The following BMP6 variants were observed in gnomAD, a reference collection of about 807,000 sequenced individuals.
BMP6 encodes the protein VG-1-R.
A neutral mutation model predicts 54.1 loss-of-function variants in BMP6; 17 were observed. The observed-to-expected ratio is 0.31, with a 90% CI of 0.22 to 0.47. The LOEUF (loss-of-function observed/expected upper bound fraction) is 0.47, where lower values mean the gene tolerates loss of function less well. BMP6 is among the 20% of genes least tolerant of loss of function. BMP6 has a pLI of 1.00. For synonymous variants in BMP6, 328 were observed against 291.2 expected (o/e 1.13, Z -1.28); for missense variants, 720 against 690.4 (o/e 1.04, Z -0.48).
chr6:7,845,403 C>A, intron 2 of BMP6, 71 bp downstream of exon 2: 1 of 1,435,736 alleles, frequency 7.0e-7, no homozygotes, highest in Non-Finnish European at 9.5e-7. Context: ...TGACAATAAC[C>A]CCAGCTATGT....
At position 7,862,303 on chromosome 6, in the gene BMP6, G is replaced by A. The variant is rs767868566; in HGVS notation, c.1009G>A (p.Val337Ile). 1 of 1,614,178 alleles carries A rather than the reference G, an allele frequency of 6.2e-7. No homozygotes were observed. The highest frequency in any genetic ancestry group is 8.5e-7 in the Non-Finnish European group (1 of 1,180,040). ...GCATGCTTTGATTTGCATTAAAGGA[G>A]TCCACGTCCACCCCCGAGCCGCAGG... The part of the protein sequence containing the change: ...LQLSVVTRDG[V>I]HVHPRAAGLV... Residue 337 changes from valine (V) to isoleucine (I), a missense_variant and splice_region_variant, in exon 4 of 7, where the codon GTC (valine) becomes ATC (isoleucine). By Grantham distance (29) the Val-to-Ile change is conservative (BLOSUM62 3). Around this residue, in one of 3 missense-constraint regions of BMP6, gnomAD observed 650 missense variants for 556.3 expected, o/e 1.17. Transcript: ENST00000283147.
chr6:7,752,271 T>TAAC (rs1757437350), intron 1 of BMP6, among the ~76,000 whole-genome samples: 1 of 152,210 alleles, frequency 6.6e-6, no homozygotes, highest in Non-Finnish European at 1.5e-5. Flanking sequence ...TTTATAAAAC[T>TAAC]AGGTGGCTGG....
intron 1 of BMP6, among the ~76,000 whole-genome samples, chr6:7,811,926 AAT>A (rs940989979): frequency 6.6e-6 from 1 of 152,176 alleles, no homozygotes; most frequent in African/African-American, 2.4e-5. Context: ...CTAAGTGAAA[AAT>A]ATATATATGA....
intron 1 of BMP6, among the ~76,000 whole-genome samples, chr6:7,780,506 G>A (rs1757926840): frequency 2.0e-5 from 3 of 150,968 alleles, no homozygotes; most frequent in Admixed American, 6.6e-5. Flanking sequence ...CCGAGATCGC[G>A]CCATTGCACT....
intron 1 of BMP6, among the ~76,000 whole-genome samples, chr6:7,743,037 T>A (rs903377430): frequency 2.0e-5 from 3 of 152,122 alleles, no homozygotes; most frequent in African/African-American, 7.2e-5. Flanking sequence ...TGGCTTGACA[T>A]AGACCACAGA....
chr6:7,745,001 G>A (rs1757325521), intron 1 of BMP6, among the ~76,000 whole-genome samples: 1 of 152,226 alleles, frequency 6.6e-6, no homozygotes, highest in African/African-American at 2.4e-5. Context: ...CCTTCAGGTA[G>A]CTGGGTGTTA....
At chr6:7,818,332 G>GA (rs5874113) in intron 1 of BMP6, among the ~76,000 whole-genome samples, 38,033 of 151,908 alleles carry the variant, frequency 0.25, 5,284 homozygotes, top group South Asian at 0.39. Flanking sequence ...GACTTGGGGT[G>GA]AAAAAACAGA....
chr6:7,775,533 A>G (rs1757850600), intron 1 of BMP6, among the ~76,000 whole-genome samples: 1 of 152,218 alleles, frequency 6.6e-6, no homozygotes, highest in Admixed American at 6.5e-5. Context: ...ATTGTAATGT[A>G]AGAATAATGT....
At position 7,860,385 on chromosome 6, in the gene BMP6, C is replaced by T. The variant is rs536552999; in HGVS notation, c.858-1066C>T. 5.9e-5 allele frequency among the ~76,000 whole-genome samples: 9 copies of T among 152,236 alleles called. No individual in the cohort carries two copies. The South Asian group carries it at 1.9e-3, about 32-fold the overall frequency. ...AGTCTTTCCATGGCCAAAATATAGC[C>T]CTCCCTGTCATGGGAATCCCAGGCC... On this transcript the variant is annotated intron_variant, in intron 2 of 6. Coordinates refer to ENST00000283147, the MANE Select transcript of BMP6 (RefSeq NM_001718.6).
rs571783248 is a variant in BMP6 at position 7,827,994 on chromosome 6, A to T, written c.665-17146A>T. Among the ~76,000 whole-genome samples the T allele has an allele frequency of 9.8e-5, 15 of 152,374 alleles. No individual in the cohort carries two copies. The South Asian group carries it at 3.1e-3, about 32-fold the overall frequency. ...TGTGATTTATATTTTTTAAGAACAG[A>T]AAGATGGGAGTGATAAGGCACTATT... On this transcript the variant is annotated intron_variant, in intron 1 of 6. Transcript: ENST00000283147.
chr6:7,737,402 T>C (rs533217088), intron 1 of BMP6, among the ~76,000 whole-genome samples: 3 of 152,194 alleles, frequency 2.0e-5, no homozygotes, highest in Non-Finnish European at 2.9e-5. Context: ...GCCAAAGATA[T>C]CTGGAGAGTT....
chr6:7,769,875 A>G (rs980152212), intron 1 of BMP6, among the ~76,000 whole-genome samples: 11 of 152,222 alleles, frequency 7.2e-5, no homozygotes, highest in African/African-American at 2.7e-4. Flanking sequence ...GATCATAATG[A>G]CAACAGGCAT....
chr6:7,748,145 G>C (rs185282005), intron 1 of BMP6, among the ~76,000 whole-genome samples: 1 of 151,610 alleles, frequency 6.6e-6, no homozygotes, highest in Non-Finnish European at 1.5e-5. Flanking sequence ...TTGAATATGG[G>C]CCTTACCCCT....
chr6:7,839,581 G>A (rs1446418847), intron 1 of BMP6, among the ~76,000 whole-genome samples: 1 of 152,134 alleles, frequency 6.6e-6, no homozygotes, highest in East Asian at 1.9e-4. Context: ...TTTTGTGGGT[G>A]GCACATTTCA....
At position 7,781,043 on chromosome 6, in the gene BMP6, G is replaced by A. The variant is rs943054055; in HGVS notation, c.664+53424G>A. Reference sequence around the variant, plus strand: ...CTTTTTTCAATCTGTACCTCTTAACGACTTCCTAGTCCACACAGTACAGTG... The same window carrying A: ...CTTTTTTCAATCTGTACCTCTTAACAACTTCCTAGTCCACACAGTACAGTG... On this transcript the variant is annotated intron_variant, in intron 1 of 6. Transcript: ENST00000283147. Among the ~76,000 whole-genome samples the A allele has an allele frequency of 2.0e-5, 3 of 152,092 alleles. No individual in the cohort carries two copies. In the South Asian group the frequency reaches 6.2e-4, roughly 32 times the overall value.
At chr6:7,768,763 A>G (rs1395781197) in intron 1 of BMP6, among the ~76,000 whole-genome samples, 1 of 152,148 alleles carries the variant, frequency 6.6e-6, no homozygotes, top group Non-Finnish European at 1.5e-5. Flanking sequence ...TGCCGATTTA[A>G]TCAATCCTGC....
intron 1 of BMP6, among the ~76,000 whole-genome samples, chr6:7,840,111 C>T (rs184929208): frequency 5.9e-5 from 9 of 152,370 alleles, no homozygotes; most frequent in East Asian, 1.9e-4. Context: ...CGACCCTCCA[C>T]ACAGGCTGCC....
intron 1 of BMP6, among the ~76,000 whole-genome samples, chr6:7,742,458 G>A (rs568877474): frequency 1.3e-5 from 2 of 152,208 alleles, no homozygotes; most frequent in Non-Finnish European, 2.9e-5. Flanking sequence ...CATTGTGAAG[G>A]TGTTAGACAT....
At chr6:7,858,638 G>A (rs1759285640) in intron 2 of BMP6, among the ~76,000 whole-genome samples, 1 of 151,744 alleles carries the variant, frequency 6.6e-6, no homozygotes, top group African/African-American at 2.4e-5. Context: ...GACTCTCTCT[G>A]GGGGCTCAGC....
Sources: allele counts gnomAD v4.1 joint callset (sites outside exome capture counted in the v4.1 genomes callset), GRCh38; gene constraint gnomAD v4.1.1; regional missense constraint gnomAD v4.1.1; transcripts MANE v1.5; gene names NCBI Gene and HGNC (gene_info 2026-07-23, HGNC 2026-07-21).